The following DTNA variants were observed in gnomAD, a reference collection of about 807,000 sequenced individuals.
DTNA encodes the protein dystrobrevin alpha, also known as dystrophin-related protein 3.
DTNA carries 43 observed loss-of-function variants against 100.7 expected under a neutral mutation model. The observed-to-expected ratio is 0.43, with a 90% CI of 0.33 to 0.55. DTNA has a LOEUF of 0.55. DTNA is among the 20% of genes least tolerant of loss of function. The probability of loss-of-function intolerance (pLI) is 0.04; values close to 1 mark genes in which losing one functional copy is unlikely to be tolerated. For synonymous variants in DTNA, 349 were observed against 347.9 expected, an observed-to-expected ratio of 1.00 and a Z score of -0.04; for missense variants, 798 against 953.9, an observed-to-expected ratio of 0.84 and a Z score of 2.15.
chr18:34,791,951 C>T (rs1177437871), intron 3 of DTNA, among the ~76,000 whole-genome samples: 1 of 152,160 alleles, frequency 6.6e-6, no homozygotes, highest in Non-Finnish European at 1.5e-5. Context: ...GATTTGCAAC[C>T]TAGGTCTTTG....
intron 3 of DTNA, among the ~76,000 whole-genome samples, chr18:34,784,276 T>C (rs1205413304): frequency 6.6e-6 from 1 of 152,218 alleles, no homozygotes; most frequent in Non-Finnish European, 1.5e-5. Flanking sequence ...AAAACAAAGA[T>C]ATTCCCTCAT....
At chr18:34,555,536 T>G (rs1372500687) in intron 1 of DTNA, among the ~76,000 whole-genome samples, 1 of 152,142 alleles carries the variant, frequency 6.6e-6, no homozygotes, top group Non-Finnish European at 1.5e-5. Context: ...TCCCTCTACA[T>G]GCTGCTTTGA....
intron 2 of DTNA, among the ~76,000 whole-genome samples, chr18:34,764,198 CATT>C (rs1348220834): frequency 2.7e-5 from 4 of 147,134 alleles, no homozygotes; most frequent in Non-Finnish European, 4.5e-5. Context: ...GTTAAGTGGT[CATT>C]ATGTTCTCAG....
chr18:34,876,758 C>A (rs1413818757), intron 18 of DTNA, among the ~76,000 whole-genome samples: 2 of 152,124 alleles, frequency 1.3e-5, no homozygotes. Flanking sequence ...TATATTAGAA[C>A]TTTTTCTTCT....
chr18:34,573,459 G>A (rs2047790138), intron 1 of DTNA, among the ~76,000 whole-genome samples: 1 of 152,096 alleles, frequency 6.6e-6, no homozygotes, highest in Non-Finnish European at 1.5e-5. Context: ...ATAGGCACCT[G>A]TTACCTCATT....
chr18:34,751,019 G>A (rs2092267191), intron 1 of DTNA, among the ~76,000 whole-genome samples: 2 of 152,118 alleles, frequency 1.3e-5, no homozygotes, highest in South Asian at 2.1e-4. Context: ...CCCCATACAT[G>A]GGGGCAAAGA....
chr18:34,753,290 A>G (rs185040647), intron 1 of DTNA, among the ~76,000 whole-genome samples: 6 of 151,830 alleles, frequency 4.0e-5, no homozygotes, highest in Admixed American at 3.3e-4. Flanking sequence ...GCCAGGCTTT[A>G]CCTCTGATAT....
At chr18:34,522,196 T>C (rs968351074) in intron 1 of DTNA, among the ~76,000 whole-genome samples, 1 of 152,212 alleles carries the variant, frequency 6.6e-6, no homozygotes, top group African/African-American at 2.4e-5. Context: ...GAGCCATGCC[T>C]AGATCAGTTT....
intron 1 of DTNA, among the ~76,000 whole-genome samples, chr18:34,615,857 C>T (rs573353572): frequency 2.7e-4 from 41 of 152,266 alleles, no homozygotes; most frequent in African/African-American, 9.9e-4. Flanking sequence ...TCTCTTCTTG[C>T]ATTAGTTCAC....
chr18:34,637,054 A>C (rs957213543), intron 1 of DTNA, among the ~76,000 whole-genome samples: 2 of 152,202 alleles, frequency 1.3e-5, no homozygotes, highest in Non-Finnish European at 2.9e-5. Context: ...AATACCCTCC[A>C]AAAAGGCTGA....
chr18:34,794,512 C>A (rs2094887534), intron 4 of DTNA, among the ~76,000 whole-genome samples: 1 of 152,016 alleles, frequency 6.6e-6, no homozygotes, highest in African/African-American at 2.4e-5. Context: ...TTATCTCATC[C>A]CATGCTTCCT....
intron 1 of DTNA, among the ~76,000 whole-genome samples, chr18:34,704,299 C>T (rs545785631): frequency 6.6e-6 from 1 of 152,354 alleles, no homozygotes; most frequent in South Asian, 2.1e-4. Flanking sequence ...AGTGGAGTCA[C>T]TCTGTCACTC....
chr18:34,573,370 C>G (rs1191504958), intron 1 of DTNA, among the ~76,000 whole-genome samples: 1 of 152,176 alleles, frequency 6.6e-6, no homozygotes, highest in Non-Finnish European at 1.5e-5. Context: ...GCCACTGCTA[C>G]CACCAATATA....
intron 1 of DTNA, among the ~76,000 whole-genome samples, chr18:34,638,216 A>G (rs1285639754): frequency 1.3e-5 from 2 of 152,208 alleles, no homozygotes; most frequent in Non-Finnish European, 2.9e-5. Flanking sequence ...TAGGTATCCA[A>G]ATACCCTAAG....
At chr18:34,503,219 T>C (rs1004081606) in intron 1 of DTNA, among the ~76,000 whole-genome samples, 3 of 151,956 alleles carry the variant, frequency 2.0e-5, no homozygotes, top group Admixed American at 6.6e-5. Context: ...CCTTGTACTT[T>C]CCACTGGCCC....
intron 1 of DTNA, among the ~76,000 whole-genome samples, chr18:34,555,505 G>A (rs1451507110): frequency 1.3e-5 from 2 of 151,752 alleles, no homozygotes; most frequent in South Asian, 2.1e-4. Context: ...TTTCTCTTGT[G>A]GACATTTAGT....
intron 9 of DTNA, chr18:34,821,141 G>C (rs1242951999): frequency 1.2e-5 from 8 of 677,212 alleles, no homozygotes; most frequent in Non-Finnish European, 2.1e-5. Flanking sequence ...AATTCACCTG[G>C]AGGTGGAAAA....
At chr18:34,875,185 G>A (rs1436992366) in intron 17 of DTNA, 54 bp from the exon 18 acceptor site, 1 of 1,600,034 alleles carries the variant, frequency 6.2e-7, no homozygotes, top group Non-Finnish European at 8.5e-7. Context: ...CATTGGGGAT[G>A]ACATATGACA....
intron 4 of DTNA, among the ~76,000 whole-genome samples, chr18:34,799,874 G>A (rs1242381135): frequency 6.6e-6 from 1 of 152,144 alleles, no homozygotes; most frequent in Non-Finnish European, 1.5e-5. Context: ...GACCCCTTCT[G>A]TTCTGGAGAA....
Sources: allele counts gnomAD v4.1 joint callset (sites outside exome capture counted in the v4.1 genomes callset), GRCh38; gene constraint gnomAD v4.1.1; transcripts MANE v1.5; gene names NCBI Gene and HGNC (gene_info 2026-07-23, HGNC 2026-07-21).